ICA1: variants seen among roughly 807,000 people sequenced by gnomAD.
The protein encoded by ICA1 is 69 kDa islet cell autoantigen.
A neutral mutation model predicts 71.0 loss-of-function variants in ICA1; 40 were observed. The observed-to-expected ratio is 0.56, with a 90% CI of 0.44 to 0.73. The LOEUF (loss-of-function observed/expected upper bound fraction) is 0.73. ICA1 is among the 30% of genes least tolerant of loss of function. ICA1 has a pLI of 0.00. For missense variants in ICA1, 578 were observed against 576.5 expected (o/e 1.00, Z -0.03); for synonymous variants, 207 against 209.5 (o/e 0.99, Z 0.10).
At chr7:8,131,674 C>T (rs898997508) in intron 12 of ICA1, among the ~76,000 whole-genome samples, 1 of 152,210 alleles carries the variant, frequency 6.6e-6, no homozygotes, top group African/African-American at 2.4e-5. Flanking sequence ...AATTAAGATG[C>T]TTAAAATTAT....
chr7:8,174,865 T>G (rs537273124), intron 6 of ICA1, among the ~76,000 whole-genome samples: 99 of 151,856 alleles, frequency 6.5e-4, no homozygotes, highest in Non-Finnish European at 1.2e-3. Context: ...ATTCTACCAT[T>G]GCGCTGAAGA....
At chr7:8,179,811 A>G (rs925359740) in intron 6 of ICA1, among the ~76,000 whole-genome samples, 1 of 151,838 alleles carries the variant, frequency 6.6e-6, no homozygotes, top group African/African-American at 2.4e-5. Flanking sequence ...GGGCTGGGAG[A>G]TATATGTATG....
At chr7:8,229,642 G>A (rs1799655016) in intron 3 of ICA1, among the ~76,000 whole-genome samples, 1 of 152,180 alleles carries the variant, frequency 6.6e-6, no homozygotes, top group African/African-American at 2.4e-5. Flanking sequence ...CGTGAACACA[G>A]ATGATCTGTT....
At chr7:8,225,992 T>C (rs920137137) in intron 4 of ICA1, among the ~76,000 whole-genome samples, 3 of 152,210 alleles carry the variant, frequency 2.0e-5, no homozygotes, top group African/African-American at 4.8e-5. Context: ...AATAATTATG[T>C]TCCAAAACTA....
chr7:8,180,191 C>A (rs569901293), intron 6 of ICA1, among the ~76,000 whole-genome samples: 1 of 152,038 alleles, frequency 6.6e-6, no homozygotes, highest in South Asian at 2.1e-4. Flanking sequence ...CCAGTCAATA[C>A]CTCCTCAAAA....
At chr7:8,145,211 A>C (rs2128135768) in intron 8 of ICA1, among the ~76,000 whole-genome samples, 1 of 152,134 alleles carries the variant, frequency 6.6e-6, no homozygotes, top group South Asian at 2.1e-4. Context: ...GAACTTCCTT[A>C]TTTCTTTCCA....
chr7:8,120,889 C>T (rs952658416), intron 13 of ICA1, among the ~76,000 whole-genome samples: 4 of 152,142 alleles, frequency 2.6e-5, no homozygotes, highest in African/African-American at 7.2e-5. Flanking sequence ...AGCCGAAGCC[C>T]GGGGCTGGGA....
intron 1 of ICA1, among the ~76,000 whole-genome samples, chr7:8,251,986 AG>A (rs1300781421): frequency 6.6e-6 from 1 of 152,208 alleles, no homozygotes; most frequent in Non-Finnish European, 1.5e-5. Flanking sequence ...AATAACAAAG[AG>A]GTAGGTATTT....
intron 1 of ICA1, among the ~76,000 whole-genome samples, chr7:8,242,455 A>G (rs938614216): frequency 3.9e-5 from 6 of 152,336 alleles, no homozygotes; most frequent in Non-Finnish European, 7.3e-5. Context: ...TGCCCACAAG[A>G]GAAAGCAGGA....
intron 6 of ICA1, among the ~76,000 whole-genome samples, chr7:8,182,217 T>C (rs1216681419): frequency 1.3e-5 from 2 of 152,162 alleles, no homozygotes; most frequent in Non-Finnish European, 2.9e-5. Context: ...CTGGACCCAC[T>C]GGACAAAGTT....
At chr7:8,139,110 A>G in intron 10 of ICA1, 63 bp from the exon 11 acceptor site, 1 of 1,293,024 alleles carries the variant, frequency 7.7e-7, no homozygotes, top group Non-Finnish European at 1.1e-6. Flanking sequence ...TTCATACGCT[A>G]TTGCAGTGTA....
chr7:8,146,230 C>T (rs1796847722), intron 8 of ICA1, among the ~76,000 whole-genome samples: 1 of 152,114 alleles, frequency 6.6e-6, no homozygotes, highest in Non-Finnish European at 1.5e-5. Flanking sequence ...GGGTCATTAC[C>T]CCAGTTAGCA....
Position 8,218,325 on chromosome 7 carries a change from G to C in ICA1, c.559C>G (p.Gln187Glu), listed in dbSNP as rs1372997993. ...SQELDPDLYK[Q>E]MEKFRKVQTQ... The stretch of plus-strand genomic sequence containing the variant: ...CCTACCTTCCTGAACTTCTCCATTT[G>C]CTTGTAGAGGTCTGGATCAAGCTCC... The change falls in exon 6 of 14, where the codon CAA becomes GAA. Residue 187 changes from glutamine to glutamate, a missense_variant. Gln to Glu is a conservative substitution (Grantham distance 29). Coordinates refer to ENST00000402384, the MANE Select transcript of ICA1 (RefSeq NM_001136020.3). The C allele has an allele frequency of 1.2e-6, 2 of 1,613,878 alleles. No individual in the cohort carries two copies. The highest frequency in any genetic ancestry group is 1.7e-6 in the Non-Finnish European group (2 of 1,179,948).
intron 13 of ICA1, among the ~76,000 whole-genome samples, 185 bp downstream of exon 13, chr7:8,127,688 T>A (rs1227346485): frequency 6.6e-6 from 1 of 152,096 alleles, no homozygotes; most frequent in Non-Finnish European, 1.5e-5. Flanking sequence ...GGGAGAATTA[T>A]GAAAAGGAAT....
At chr7:8,119,568 G>A (rs1427126429) in intron 13 of ICA1, among the ~76,000 whole-genome samples, 1 of 152,214 alleles carries the variant, frequency 6.6e-6, no homozygotes, top group Non-Finnish European at 1.5e-5. Flanking sequence ...GCCAGAGGCC[G>A]GGTGTGGTGG....
At chr7:8,247,805 A>G (rs1230293645) in intron 1 of ICA1, among the ~76,000 whole-genome samples, 4 of 152,198 alleles carry the variant, frequency 2.6e-5, no homozygotes, top group Non-Finnish European at 5.9e-5. Context: ...AGCTGATGGC[A>G]CTTCTGATTA....
At chr7:8,257,433 C>T (rs1810594454) in intron 1 of ICA1, among the ~76,000 whole-genome samples, 1 of 152,148 alleles carries the variant, frequency 6.6e-6, no homozygotes. Flanking sequence ...AATATGTATA[C>T]TCTTGGAACA....
intron 8 of ICA1, among the ~76,000 whole-genome samples, chr7:8,148,799 G>T (rs977417766): frequency 6.6e-6 from 1 of 152,102 alleles, no homozygotes; most frequent in African/African-American, 2.4e-5. Context: ...TCTTACAAAA[G>T]ATGGTATACA....
chr7:8,150,056 T>G (rs1479333839), intron 8 of ICA1, among the ~76,000 whole-genome samples: 1 of 152,198 alleles, frequency 6.6e-6, no homozygotes, highest in African/African-American at 2.4e-5. Flanking sequence ...AAAGTAAAAT[T>G]AGAGAAAAAT....
Sources: allele counts gnomAD v4.1 joint callset (sites outside exome capture counted in the v4.1 genomes callset), GRCh38; gene constraint gnomAD v4.1.1; transcripts MANE v1.5; gene names NCBI Gene and HGNC (gene_info 2026-07-23, HGNC 2026-07-21).